TBC1D22A: variants seen among roughly 807,000 people sequenced by gnomAD.
TBC1D22A encodes putative GTPase activator.
Under a neutral mutation model 60.2 loss-of-function variants are expected in TBC1D22A, and 38 were observed. That is an observed-to-expected ratio of 0.63 (90% CI 0.49 to 0.83). The LOEUF is 0.83. TBC1D22A is among the 40% of genes least tolerant of loss of function. The pLI, the probability that TBC1D22A is intolerant of heterozygous loss-of-function variation, is 0.00. For synonymous variants in TBC1D22A, 302 were observed against 281.7 expected (o/e 1.07, Z -0.72); for missense variants, 628 against 701.0 (o/e 0.90, Z 1.18).
intron 12 of TBC1D22A, among the ~76,000 whole-genome samples, chr22:47,152,348 C>G (rs533669425): frequency 1.3e-5 from 2 of 152,302 alleles, no homozygotes; most frequent in South Asian, 4.1e-4. Context: ...GGTTCCCCCC[C>G]TGGCCCCTGG....
In TBC1D22A at chr22:46,990,743, C is replaced by G. The variant is rs2074907427; in HGVS notation, c.1126-6891C>G. The stretch of plus-strand genomic sequence containing the variant: ...TTAGTTGAAATCCTGCAGTTGGAAC[C>G]TTTTCATCCCACTGCTCCTGCTGCG... On this transcript the variant is annotated intron_variant, in intron 9 of 12. Coordinates refer to ENST00000337137, the MANE Select transcript of TBC1D22A (RefSeq NM_014346.5). The surrounding 1 kb of genome is among the most constrained non-coding windows in gnomAD (Gnocchi z 4.6). Among the ~76,000 whole-genome samples, 1 of 152,188 alleles carries G rather than the reference C, an allele frequency of 6.6e-6. No individual in the cohort carries two copies. The highest frequency in any genetic ancestry group is 6.5e-5 in the Admixed American group (1 of 15,282).
chr22:46,771,885 A>G (rs1354596037), intron 1 of TBC1D22A, among the ~76,000 whole-genome samples: 1 of 151,980 alleles, frequency 6.6e-6, no homozygotes, highest in Non-Finnish European at 1.5e-5. Flanking sequence ...GTGAACCACC[A>G]TGCCTAGCCG....
rs551443456 is a variant in TBC1D22A, at chr22:46,927,140, G to C, written c.1015+14952G>C. 1.6e-4 allele frequency among the ~76,000 whole-genome samples: 25 copies of C among 152,278 alleles called. No homozygotes were observed. The South Asian group carries it at 5.2e-3, about 32-fold the overall frequency. On this transcript the variant is annotated intron_variant, in intron 8 of 12. Transcript: ENST00000337137. Reference sequence around the variant, plus strand: ...TACTCTGAGACCAAAGTGAGATGAAGACATAACAAGGAAAGAAAATTACAG... The same window carrying C: ...TACTCTGAGACCAAAGTGAGATGAACACATAACAAGGAAAGAAAATTACAG...
At chr22:46,783,184 T>C (rs2084014615) in intron 1 of TBC1D22A, among the ~76,000 whole-genome samples, 1 of 152,212 alleles carries the variant, frequency 6.6e-6, no homozygotes, top group Non-Finnish European at 1.5e-5. Flanking sequence ...TTGATTTGTG[T>C]TTCTCTGATC....
chr22:47,054,634 G>A (rs1015217998), intron 11 of TBC1D22A, among the ~76,000 whole-genome samples: 1 of 152,166 alleles, frequency 6.6e-6, no homozygotes, highest in Non-Finnish European at 1.5e-5. Context: ...CGAATCCTGG[G>A]CACTCATTTC....
At position 47,038,641 on chromosome 22, in the gene TBC1D22A, G is replaced by A. The variant is rs539625116; in HGVS notation, c.1329+1443G>A. 6.6e-5 allele frequency among the ~76,000 whole-genome samples: 10 copies of A among 152,310 alleles called. No homozygotes were observed. The East Asian group carries it at 1.2e-3, about 18-fold the overall frequency. On this transcript the variant is annotated intron_variant, in intron 11 of 12. Coordinates refer to ENST00000337137, the MANE Select transcript of TBC1D22A (RefSeq NM_014346.5). ...GCCCCAAAGCTTTGTTCCTGACACC[G>A]GTTGCTGGTCAGTGTGCCCCTTGGT...
chr22:46,825,131 G>T (rs181402018), intron 4 of TBC1D22A, among the ~76,000 whole-genome samples: 1 of 152,300 alleles, frequency 6.6e-6, no homozygotes, highest in African/African-American at 2.4e-5. Context: ...TGCGTGTGCA[G>T]CAGGCGTCAG....
At chr22:46,969,673 C>G (rs1407175616) in intron 8 of TBC1D22A, among the ~76,000 whole-genome samples, 1 of 152,130 alleles carries the variant, frequency 6.6e-6, no homozygotes, top group African/African-American at 2.4e-5. Flanking sequence ...CTCCAGGTTC[C>G]CTTGGGGTTA....
At chr22:47,153,612 A>C (rs1486878947) in intron 12 of TBC1D22A, among the ~76,000 whole-genome samples, 1 of 152,094 alleles carries the variant, frequency 6.6e-6, no homozygotes, top group Non-Finnish European at 1.5e-5. Flanking sequence ...GCCGTCGTGC[A>C]AGCGAAAGAT....
chr22:47,109,135 C>T (rs772882833), intron 11 of TBC1D22A, among the ~76,000 whole-genome samples: 4 of 152,306 alleles, frequency 2.6e-5, no homozygotes, highest in South Asian at 2.1e-4. Context: ...AAAAGCCCTG[C>T]GTGAGGTTAG....
chr22:47,173,375 C>T (rs557409469), intron 12 of TBC1D22A, 123 bp from the exon 13 acceptor site: 229 of 1,326,798 alleles, frequency 1.7e-4, no homozygotes, highest in Non-Finnish European at 2.3e-4. Flanking sequence ...CTGGATCACC[C>T]GCCCTGCACC....
intron 12 of TBC1D22A, among the ~76,000 whole-genome samples, chr22:47,121,093 A>G (rs975084335): frequency 4.6e-5 from 7 of 152,284 alleles, no homozygotes; most frequent in Non-Finnish European, 1.0e-4. Context: ...GATGAGGACA[A>G]TCGGAACAGT....
chr22:47,140,737 G>A (rs2067052935), intron 12 of TBC1D22A, among the ~76,000 whole-genome samples: 1 of 152,214 alleles, frequency 6.6e-6, no homozygotes, highest in South Asian at 2.1e-4. Context: ...GGCGGCTTGG[G>A]CCTGGGGGTT....
chr22:46,816,187 C>T (rs1448363269), intron 4 of TBC1D22A, among the ~76,000 whole-genome samples: 1 of 152,214 alleles, frequency 6.6e-6, no homozygotes, highest in Non-Finnish European at 1.5e-5. Flanking sequence ...GGCAGCTCCT[C>T]CTCTGCCTGC....
At chr22:47,002,504 T>G (rs2061437096) in intron 10 of TBC1D22A, among the ~76,000 whole-genome samples, 1 of 152,238 alleles carries the variant, frequency 6.6e-6, no homozygotes, top group African/African-American at 2.4e-5. Context: ...ATTTTTTGAT[T>G]AAAAAAACCA....
intron 4 of TBC1D22A, among the ~76,000 whole-genome samples, chr22:46,818,127 C>G (rs893515285): frequency 6.6e-6 from 1 of 152,084 alleles, no homozygotes; most frequent in African/African-American, 2.4e-5. Flanking sequence ...AATTTAAGTT[C>G]CTTGTAGATT....
chr22:47,063,656 T>A (rs1376198182), intron 11 of TBC1D22A, among the ~76,000 whole-genome samples: 1 of 152,162 alleles, frequency 6.6e-6, no homozygotes, highest in Non-Finnish European at 1.5e-5. Context: ...GGAGTATCCA[T>A]GTCCTAGAGC....
intron 8 of TBC1D22A, chr22:46,914,113 T>C (rs2070167387): frequency 1.3e-5 from 2 of 152,252 alleles, no homozygotes; most frequent in Admixed American, 6.5e-5. Context: ...TACCATTTAT[T>C]TCTGTCAGTC....
chr22:46,959,094 A>C (rs1444274332), intron 8 of TBC1D22A, among the ~76,000 whole-genome samples: 8 of 152,184 alleles, frequency 5.3e-5, no homozygotes, highest in African/African-American at 1.7e-4. Context: ...GCTCAGCCAG[A>C]CAGAGCGTTT....
Sources: allele counts gnomAD v4.1 joint callset (sites outside exome capture counted in the v4.1 genomes callset), GRCh38; gene constraint gnomAD v4.1.1; non-coding constraint Gnocchi (gnomAD v3.1); transcripts MANE v1.5; gene names NCBI Gene and HGNC (gene_info 2026-07-23, HGNC 2026-07-21).